PCNX2: variants seen among roughly 807,000 people sequenced by gnomAD.
PCNX2 encodes the protein pecanex-like protein 2.
In PCNX2, 168 loss-of-function variants were observed where a neutral mutation model predicts 223.8. The ratio of observed to expected loss-of-function variants is 0.75; its 90% CI spans 0.66 to 0.85. The LOEUF (loss-of-function observed/expected upper bound fraction) is 0.85. Ranked by LOEUF, PCNX2 falls within the 40% of genes least tolerant of loss-of-function variation. PCNX2 has a pLI of 0.00. For synonymous variants in PCNX2, 1,006 were observed against 1,052.6 expected (o/e 0.96, Z 0.86); for missense variants, 2,507 against 2,675.5 (o/e 0.94, Z 1.39).
intron 33 of PCNX2, chr1:232,985,653 C>T (rs114476630): frequency 2.0e-4 from 75 of 383,568 alleles, no homozygotes; most frequent in Non-Finnish European, 3.2e-4. Flanking sequence ...GCCATCTCAG[C>T]AGCTTTAAAG....
intron 25 of PCNX2, among the ~76,000 whole-genome samples, chr1:233,051,960 T>C (rs939218555): frequency 6.6e-6 from 1 of 152,218 alleles, no homozygotes; most frequent in Non-Finnish European, 1.5e-5. Context: ...TATTGTATTA[T>C]TGCACTGAAG....
the PCNX2 span, among the ~76,000 whole-genome samples, chr1:233,320,960 TG>T: frequency 6.6e-6 from 1 of 151,428 alleles, no homozygotes; most frequent in Non-Finnish European, 1.5e-5. Context: ...ATACTGCCAG[TG>T]GTTTTCCACG....
chr1:233,228,866 T>C (rs1657894569), intron 9 of PCNX2, among the ~76,000 whole-genome samples: 2 of 152,246 alleles, frequency 1.3e-5, no homozygotes, highest in African/African-American at 2.4e-5. Flanking sequence ...TATTTTTGTT[T>C]GGTTTTGCCT....
Position 232,986,389 on chromosome 1 carries a change from CGA to C in PCNX2, c.5941_5942del (p.Ser1981GlyfsTer30), listed in dbSNP as rs745592841. The stretch of plus-strand genomic sequence containing the variant: ...AGGCGTGCAAGGAGAGCCGGCTGCC[CGA>C]GAGCCTCTGGGCCAGCTCGTGCACT... ...TSVHELAQRL[S>X]GSRLSLHASA... On this transcript the variant is annotated frameshift_variant, in exon 33 of 34. Transcript: ENST00000258229. LOFTEE classifies it high-confidence loss of function. 2.5e-6 allele frequency: 4 copies of C among 1,602,928 alleles called. No homozygotes were observed. The East Asian group carries it at 9.0e-5, about 36-fold the overall frequency.
rs1658178936 is a variant in PCNX2, at chr1:233,233,293, C to A, written c.2358+3552G>T. Among the ~76,000 whole-genome samples the A allele has an allele frequency of 2.0e-5, 3 of 152,228 alleles. No homozygotes were observed. In the South Asian group the frequency reaches 6.2e-4, roughly 32 times the overall value. On this transcript the variant is annotated intron_variant, in intron 9 of 33. Coordinates refer to ENST00000258229, the MANE Select transcript of PCNX2 (RefSeq NM_014801.4). ...TTTTTAATTGGTAATATTCAAAACC[C>A]CTGAATGCCAATCTTGAGTTCAAAC...
At chr1:233,063,696 T>C (rs1672489271) in intron 23 of PCNX2, among the ~76,000 whole-genome samples, 1 of 152,212 alleles carries the variant, frequency 6.6e-6, no homozygotes, top group African/African-American at 2.4e-5. Flanking sequence ...GAAAATTTTC[T>C]ATTATTTTCT....
chr1:233,251,880 T>C (rs1004051688), intron 7 of PCNX2, among the ~76,000 whole-genome samples: 4 of 152,266 alleles, frequency 2.6e-5, no homozygotes, highest in Admixed American at 6.5e-5. Context: ...ATCCTTTTTA[T>C]AACAAGGTGC....
intron 15 of PCNX2, among the ~76,000 whole-genome samples, chr1:233,183,724 A>G (rs958911697): frequency 2.0e-5 from 3 of 152,230 alleles, no homozygotes; most frequent in Admixed American, 2.0e-4. Context: ...CTTGGAAAGG[A>G]AAGACACATG....
At chr1:233,228,199 C>T (rs1450590312) in intron 9 of PCNX2, among the ~76,000 whole-genome samples, 2 of 152,076 alleles carry the variant, frequency 1.3e-5, no homozygotes, top group Admixed American at 6.5e-5. Context: ...TCCCGTTCTC[C>T]GTGTACAGAA....
chr1:233,249,666 A>G lies in PCNX2; in HGVS notation c.2222+1073T>C, dbSNP rs531357803. 2.6e-5 allele frequency among the ~76,000 whole-genome samples: 4 copies of G among 152,330 alleles called. No homozygotes were observed. In the South Asian group the frequency reaches 8.3e-4, roughly 32 times the overall value. On this transcript the variant is annotated intron_variant, in intron 8 of 33. Transcript: ENST00000258229. ...AACAAGATTTCTGTTTCCCCACAGG[A>G]GTGACTTTGGGCACATGCAGTCTGC...
At chr1:233,071,504 G>A (rs1446682274) in intron 23 of PCNX2, among the ~76,000 whole-genome samples, 1 of 152,090 alleles carries the variant, frequency 6.6e-6, no homozygotes, top group African/African-American at 2.4e-5. Context: ...TCTTTTTATG[G>A]CTTCATAGTA....
At chr1:233,171,007 G>A (rs1288395542) in intron 17 of PCNX2, among the ~76,000 whole-genome samples, 2 of 152,170 alleles carry the variant, frequency 1.3e-5, no homozygotes. Context: ...TTTGGATTTT[G>A]AAGCATTTCA....
intron 19 of PCNX2, among the ~76,000 whole-genome samples, chr1:233,141,686 A>T (rs562078977): frequency 1.5e-4 from 21 of 142,200 alleles, no homozygotes; most frequent in Middle Eastern, 3.4e-3. Context: ...AAAAAGAAAA[A>T]ATATATATAT....
At position 233,139,662 on chromosome 1, in the gene PCNX2, A is replaced by G. The variant is rs994738002; in HGVS notation, c.3659+52T>C. On this transcript the variant is annotated intron_variant, in intron 20 of 33. Coordinates refer to ENST00000258229, the MANE Select transcript of PCNX2 (RefSeq NM_014801.4). This position sits in a 1 kb window ranked among gnomAD's most constrained non-coding sequence, Gnocchi z 4.4. ...AGATTGTTTACAGAAAATTCACTCG[A>G]TTTTGAAAATGTGACCCAAATCATT... The G allele has an allele frequency of 7.9e-6, 12 of 1,527,804 alleles. No homozygotes were observed. The highest frequency in any genetic ancestry group is 9.7e-6 in the Non-Finnish European group (11 of 1,131,526). 94.6% of individuals were successfully genotyped at this position (1,527,804 alleles called of 1,614,324 possible). A position where few individuals can be genotyped will look rare whatever the true frequency, so the allele number is the denominator to read the frequency against.
chr1:233,303,654 T>TA, the PCNX2 span, among the ~76,000 whole-genome samples: 97,201 of 152,050 alleles, frequency 0.64, 31,727 homozygotes, highest in East Asian at 0.73. Context: ...AATTTTTTTT[T>TA]ATTATACTTT....
chr1:233,235,748 C>T (rs1055470322), intron 9 of PCNX2, among the ~76,000 whole-genome samples: 6 of 151,644 alleles, frequency 4.0e-5, no homozygotes, highest in Admixed American at 2.0e-4. Context: ...ACTACAGGCA[C>T]GTGCCACCAT....
chr1:233,220,333 T>C (rs886208011), intron 10 of PCNX2, among the ~76,000 whole-genome samples: 2 of 152,216 alleles, frequency 1.3e-5, no homozygotes, highest in Non-Finnish European at 2.9e-5. Context: ...TGGTGAACAA[T>C]ATGTTTAGTT....
rs369942899 is a variant in PCNX2, at chr1:232,998,415, C to T, written c.5627G>A (p.Arg1876His). 3.5e-5 allele frequency: 57 copies of T among 1,612,314 alleles called. No individual in the cohort carries two copies. Among genetic ancestry groups the T allele is most frequent in the Admixed American group, 8.4e-5 (5 of 59,850 alleles). Residue 1876 changes from arginine (R) to histidine (H), a missense_variant, in exon 32 of 34, where the codon CGC (arginine) becomes CAC (histidine). This residue lies in a region of PCNX2 where 1,372 missense variants were observed against 1,509.4 expected (regional missense o/e 0.91). Coordinates refer to ENST00000258229, the MANE Select transcript of PCNX2 (RefSeq NM_014801.4). ...WVRMRKDCNA[R>H]QHSGGNIEDV... ...TTCAATGTTGCCGCCACTGTGCTGG[C>T]GGGCATTGCAATCCTTCCGCATCCT...
chr1:233,137,372 C>G (rs1313753097), intron 20 of PCNX2, among the ~76,000 whole-genome samples: 1 of 152,198 alleles, frequency 6.6e-6, no homozygotes, highest in Non-Finnish European at 1.5e-5. Flanking sequence ...GCACCCTGAG[C>G]TGCCAGGACA....
Sources: gnomAD v4.1 joint callset for allele counts (sites outside exome capture counted in the v4.1 genomes callset) on GRCh38, gnomAD v4.1.1 for gene constraint, gnomAD v4.1.1 regional missense constraint, Gnocchi (gnomAD v3.1) non-coding constraint, MANE v1.5 for transcripts, NCBI Gene and HGNC (gene_info 2026-07-23, HGNC 2026-07-21) for gene names.